The following DISP1 variants were observed in gnomAD, a reference collection of about 807,000 sequenced individuals.
The protein encoded by DISP1 is dispatched RND transporter family member 1.
DISP1 carries 30 observed loss-of-function variants against 37.3 expected under a neutral mutation model. The observed-to-expected ratio is 0.80, with a 90% CI of 0.60 to 1.09. The LOEUF is 1.09. Ranked by LOEUF, DISP1 falls within the 50% of genes least tolerant of loss-of-function variation. The pLI is 0.00. For synonymous variants in DISP1, 634 were observed against 690.2 expected, an observed-to-expected ratio of 0.92 and a Z score of 1.28; for missense variants, 1,598 against 1,879.5, an observed-to-expected ratio of 0.85 and a Z score of 2.77.
intron 3 of DISP1, among the ~76,000 whole-genome samples, chr1:222,946,172 G>C (rs139247870): frequency 0.092 from 13,406 of 145,128 alleles, 649 homozygotes; most frequent in South Asian, 0.18. Flanking sequence ...AGGAGGTCGA[G>C]ACCATCCTAG....
intron 3 of DISP1, among the ~76,000 whole-genome samples, chr1:222,951,838 T>C (rs971546514): frequency 3.9e-5 from 6 of 152,212 alleles, no homozygotes; most frequent in Admixed American, 2.0e-4. Context: ...CATAGATAGA[T>C]TGCCATCTTT....
At chr1:222,850,301 T>C (rs1186613202) in intron 1 of DISP1, among the ~76,000 whole-genome samples, 1 of 151,996 alleles carries the variant, frequency 6.6e-6, no homozygotes, top group African/African-American at 2.4e-5. Context: ...TCTTTAGTTT[T>C]GTAACCATTC....
At chr1:222,853,884 G>T (rs1359209007) in intron 1 of DISP1, among the ~76,000 whole-genome samples, 1 of 152,178 alleles carries the variant, frequency 6.6e-6, no homozygotes, top group Non-Finnish European at 1.5e-5. Context: ...ATAGCTAGAA[G>T]AAGGATGTTG....
At chr1:222,958,928 A>G (rs1295295962) in intron 3 of DISP1, among the ~76,000 whole-genome samples, 1 of 149,704 alleles carries the variant, frequency 6.7e-6, no homozygotes, top group Non-Finnish European at 1.5e-5. Context: ...ATATCAGGTC[A>G]TATAAGCAAT....
chr1:222,954,007 C>G (rs1057228457), intron 3 of DISP1, among the ~76,000 whole-genome samples: 4 of 151,676 alleles, frequency 2.6e-5, no homozygotes, highest in South Asian at 2.1e-4. Flanking sequence ...ATCCCCTTTC[C>G]ATATTCGTGC....
chr1:223,003,315 G>A lies in DISP1; in HGVS notation c.1918G>A (p.Ala640Thr), dbSNP rs1679619913. ...IRCFGVYAGT[A>T]ILVNYVLMVT... Reference sequence around the variant, plus strand: ...ATGCTTTGGGGTTTATGCGGGGACAGCTATATTGGTGAATTACGTTTTGAT... The same window carrying A: ...ATGCTTTGGGGTTTATGCGGGGACAACTATATTGGTGAATTACGTTTTGAT... Residue 640 changes from alanine to threonine, a missense_variant, in exon 9 of 9, where the codon GCT becomes ACT. Ala to Thr is a moderately conservative substitution (Grantham distance 58). Coordinates refer to ENST00000675850, the MANE Select transcript of DISP1 (RefSeq NM_001377229.1). This position sits in a 1 kb window ranked among gnomAD's most constrained non-coding sequence, Gnocchi z 4.3. The A allele has an allele frequency of 6.2e-7, 1 of 1,614,062 alleles. No homozygotes were observed. The highest frequency in any genetic ancestry group is 1.1e-5 in the South Asian group (1 of 91,088).
chr1:222,915,217 A>C (rs1296423527), intron 1 of DISP1, among the ~76,000 whole-genome samples: 1 of 152,226 alleles, frequency 6.6e-6, no homozygotes, highest in Non-Finnish European at 1.5e-5. Context: ...GGTACATTTT[A>C]GCTTTATGCA....
At chr1:222,925,484 G>A (rs1159557925) in intron 1 of DISP1, among the ~76,000 whole-genome samples, 1 of 151,910 alleles carries the variant, frequency 6.6e-6, no homozygotes, top group Non-Finnish European at 1.5e-5. Flanking sequence ...GGGAATTTTT[G>A]GTATTACAGC....
At chr1:222,904,586 G>A (rs1304582490) in intron 1 of DISP1, among the ~76,000 whole-genome samples, 3 of 116,026 alleles carry the variant, frequency 2.6e-5, no homozygotes, top group African/African-American at 9.9e-5. Flanking sequence ...TTTTTTTTTT[G>A]AGATGAAGTC....
intron 1 of DISP1, among the ~76,000 whole-genome samples, chr1:222,852,816 T>C (rs1027593139): frequency 1.3e-5 from 2 of 152,104 alleles, no homozygotes. Context: ...CCACTGATGA[T>C]GAACTTTGGG....
chr1:222,847,025 C>T (rs1667952452), intron 1 of DISP1, among the ~76,000 whole-genome samples: 1 of 152,064 alleles, frequency 6.6e-6, no homozygotes. Context: ...CTGTATTTCC[C>T]TCCTCTGTTT....
chr1:223,005,950 G>A lies in DISP1; in HGVS notation c.4553G>A (p.Ser1518Asn). Residue 1518 changes from serine (S) to asparagine (N), a missense_variant, in exon 9 of 9, where the codon AGT becomes AAT. Ser to Asn is a conservative substitution (Grantham distance 46). Coordinates refer to ENST00000675850, the MANE Select transcript of DISP1 (RefSeq NM_001377229.1). The part of the protein sequence containing the change: ...VLTHSELSGE[S>N]LLIKTL ...ACACACTCGGAACTTTCTGGTGAAA[G>A]TTTGTTAATAAAAACACTATAATAA... 1 of 1,613,802 alleles carries A rather than the reference G, an allele frequency of 6.2e-7. No homozygotes were observed. Among genetic ancestry groups the A allele is most frequent in the South Asian group, 1.1e-5 (1 of 91,064 alleles).
chr1:222,924,372 T>G (rs1316871925), intron 1 of DISP1, among the ~76,000 whole-genome samples: 5 of 152,176 alleles, frequency 3.3e-5, no homozygotes, highest in Admixed American at 3.3e-4. Flanking sequence ...TGAGATCATC[T>G]CATCTAGTGT....
chr1:222,868,734 C>T (rs1339705037), intron 1 of DISP1, among the ~76,000 whole-genome samples: 1 of 152,052 alleles, frequency 6.6e-6, no homozygotes, highest in Non-Finnish European at 1.5e-5. Context: ...TTCTAATATA[C>T]TGAAATTCTT....
intron 3 of DISP1, among the ~76,000 whole-genome samples, chr1:222,963,894 TA>T (rs1676260045): frequency 1.3e-5 from 2 of 151,988 alleles, no homozygotes; most frequent in African/African-American, 4.8e-5. Flanking sequence ...AAGTAAATTT[TA>T]AAGAAGAGAA....
rs573728762 is a variant in DISP1 at position 222,942,904 on chromosome 1, C to G, written c.81C>G (p.Pro27=). ...CAACCAGTGCTGCTAACCCGAGTCC[C>G]CTCACCCCCTGTGATGGAGACCATG... The part of the protein sequence containing the change: ...SIATSAANPS[P]LTPCDGDHAA... Residue 27 remains proline (P), a synonymous_variant, in exon 3 of 9, where the codon CCC becomes CCG. Coordinates refer to ENST00000675850, the MANE Select transcript of DISP1 (RefSeq NM_001377229.1). 13 of 1,614,128 alleles carry G rather than the reference C, an allele frequency of 8.1e-6. No individual in the cohort carries two copies. The highest frequency in any genetic ancestry group is 1.7e-5 in the Admixed American group (1 of 60,014).
chr1:223,005,235 T>G lies in DISP1; in HGVS notation c.3838T>G (p.Leu1280Val). ...RCSCPDAYKH[L>V]NYGPHSCQQM... ...TAGCTGCCCAGATGCCTACAAACAC[T>G]TGAACTATGGCCCACACTCTTGCCA... Residue 1280 changes from leucine to valine, a missense_variant, in exon 9 of 9, where the codon TTG becomes GTG. Leu to Val is a conservative substitution (Grantham distance 32). Transcript: ENST00000675850. The G allele has an allele frequency of 1.2e-6, 2 of 1,614,034 alleles. No homozygotes were observed. The highest frequency in any genetic ancestry group is 1.7e-6 in the Non-Finnish European group (2 of 1,180,008).
intron 1 of DISP1, among the ~76,000 whole-genome samples, chr1:222,845,572 A>G (rs566477738): frequency 3.9e-5 from 6 of 152,334 alleles, no homozygotes; most frequent in African/African-American, 1.4e-4. Flanking sequence ...CATTAGCACA[A>G]TAAATATTTC....
chr1:222,822,755 T>C (rs1459930503), intron 1 of DISP1, among the ~76,000 whole-genome samples: 1 of 152,226 alleles, frequency 6.6e-6, no homozygotes, highest in Non-Finnish European at 1.5e-5. Flanking sequence ...GCCTCTAAAA[T>C]ATCAGAGTGA....
Sources: gnomAD v4.1 joint callset for allele counts (sites outside exome capture counted in the v4.1 genomes callset) on GRCh38, gnomAD v4.1.1 for gene constraint, Gnocchi (gnomAD v3.1) non-coding constraint, MANE v1.5 for transcripts, NCBI Gene and HGNC (gene_info 2026-07-23, HGNC 2026-07-21) for gene names.